The following MGAT4C variants were observed in gnomAD, a reference collection of about 807,000 sequenced individuals.
MGAT4C encodes alpha-1,3-mannosyl-glycoprotein 4-beta-N-acetylglucosaminyltransferase C.
MGAT4C carries 19 observed loss-of-function variants against 40.1 expected under a neutral mutation model. The observed-to-expected ratio is 0.47, with a 90% confidence interval of 0.33 to 0.70. The LOEUF is 0.70. Among genes scored for constraint, MGAT4C ranks in the 30% least tolerant of loss-of-function variants. The pLI is 0.02. For missense variants in MGAT4C, 491 were observed against 563.2 expected (o/e 0.87, Z 1.30); for synonymous variants, 181 against 187.1 (o/e 0.97, Z 0.27).
intron 1 of MGAT4C, among the ~76,000 whole-genome samples, chr12:86,767,589 T>C (rs1370617686): frequency 6.6e-6 from 1 of 152,138 alleles, no homozygotes; most frequent in African/African-American, 2.4e-5. Context: ...ACCAATATCC[T>C]TGATGAACAC....
chr12:86,053,072 T>G (rs778120393), intron 1 of MGAT4C, among the ~76,000 whole-genome samples: 7 of 151,886 alleles, frequency 4.6e-5, no homozygotes, highest in Non-Finnish European at 8.8e-5. Flanking sequence ...TTTGGGGAAG[T>G]ACGAGTGTCA....
intron 2 of MGAT4C, among the ~76,000 whole-genome samples, chr12:86,014,969 T>C (rs1181516315): frequency 6.7e-6 from 1 of 149,996 alleles, no homozygotes; most frequent in African/African-American, 2.5e-5. Context: ...TTTTTCATTT[T>C]CTTTCTTTCT....
At chr12:86,059,759 T>C (rs1010977559) in intron 1 of MGAT4C, among the ~76,000 whole-genome samples, 1 of 152,160 alleles carries the variant, frequency 6.6e-6, no homozygotes, top group African/African-American at 2.4e-5. Flanking sequence ...TCCTGTCCCT[T>C]TGGTTGTTGC....
intron 2 of MGAT4C, among the ~76,000 whole-genome samples, chr12:86,490,435 G>A (rs1292283968): frequency 2.6e-5 from 4 of 151,936 alleles, no homozygotes; most frequent in African/African-American, 7.3e-5. Context: ...ACTAAATGTG[G>A]AAAGGAACAA....
chr12:86,178,983 G>A lies in MGAT4C; in HGVS notation c.-57+77256C>T, dbSNP rs142828925. On this transcript the variant is annotated intron_variant, in intron 1 of 4. Transcript: ENST00000611864. ...GCCTGCTATTTGCTTTTTTCAATAC[G>A]ATACTATTCACATTTTCAGATTACA... 2.0e-3 allele frequency among the ~76,000 whole-genome samples: 308 copies of A among 152,074 alleles called. 1 individual carries two copies. The highest frequency in any genetic ancestry group is 3.3e-3 in the Non-Finnish European group (227 of 68,000).
chr12:86,052,455 T>G (rs1892984109), intron 1 of MGAT4C, among the ~76,000 whole-genome samples: 1 of 151,986 alleles, frequency 6.6e-6, no homozygotes, highest in Admixed American at 6.6e-5. Flanking sequence ...AACAAATTAT[T>G]TCAATCATAT....
At chr12:86,521,932 G>A (rs1958801991) in intron 2 of MGAT4C, among the ~76,000 whole-genome samples, 1 of 152,054 alleles carries the variant, frequency 6.6e-6, no homozygotes, top group South Asian at 2.1e-4. Context: ...AGGAATGCTA[G>A]TGATTTTGTA....
At chr12:86,578,567 T>G (rs2136430926) in intron 2 of MGAT4C, among the ~76,000 whole-genome samples, 1 of 151,848 alleles carries the variant, frequency 6.6e-6, no homozygotes, top group African/African-American at 2.4e-5. Context: ...CCTGTTCAGG[T>G]TTTAGATTTC....
chr12:86,248,460 G>A (rs1441724066), intron 1 of MGAT4C, among the ~76,000 whole-genome samples: 1 of 151,600 alleles, frequency 6.6e-6, no homozygotes, highest in Admixed American at 6.6e-5. Flanking sequence ...ATGCCCCTCA[G>A]TTTATCCTAT....
At chr12:86,651,262 G>A (rs141963190) in intron 2 of MGAT4C, among the ~76,000 whole-genome samples, 12 of 151,842 alleles carry the variant, frequency 7.9e-5, no homozygotes, top group African/African-American at 2.7e-4. Context: ...AAATATTAGG[G>A]TAATTGAAGC....
At chr12:86,809,502 AATATATGATTGAC>A (rs1185990840) in intron 1 of MGAT4C, among the ~76,000 whole-genome samples, 1 of 152,006 alleles carries the variant, frequency 6.6e-6, no homozygotes, top group Non-Finnish European at 1.5e-5. Context: ...TCCCACCAGC[AATATATGATTGAC>A]CCAGTTTCTT....
chr12:86,379,921 G>A (rs1007487042), intron 3 of MGAT4C, among the ~76,000 whole-genome samples: 3 of 152,224 alleles, frequency 2.0e-5, no homozygotes, highest in African/African-American at 2.4e-5. Flanking sequence ...GTGATTCACA[G>A]CATAGAAAAA....
chr12:85,962,659 T>C lies in MGAT4C; in HGVS notation c.*16630A>G, dbSNP rs1883174649. On this transcript the variant is annotated 3_prime_UTR_variant, in exon 5 of 5. Coordinates refer to ENST00000611864, the MANE Select transcript of MGAT4C (RefSeq NM_001351288.2). ...TAAGTACATTCAACTTGTAATGAAC[T>C]GTAAACTTCACCCATAACATTATTA... is the stretch of plus-strand genomic sequence containing the variant. 1 of 151,048 alleles carries C rather than the reference T, an allele frequency of 6.6e-6. No individual in the cohort carries two copies. Among genetic ancestry groups the C allele is most frequent in the Non-Finnish European group, 1.5e-5 (1 of 67,476 alleles). The allele number at this position is 151,048 out of a possible 1,614,324, so 9.4% of individuals were successfully genotyped here. A position where few individuals can be genotyped will look rare whatever the true frequency, so the allele number is the denominator to read the frequency against.
chr12:86,559,424 AC>A (rs1453935926), intron 2 of MGAT4C, among the ~76,000 whole-genome samples: 2 of 151,990 alleles, frequency 1.3e-5, no homozygotes, highest in Non-Finnish European at 2.9e-5. Flanking sequence ...CCACAAAAAA[AC>A]ATAAAGATAC....
At chr12:86,766,303 A>C (rs1951506603) in intron 1 of MGAT4C, among the ~76,000 whole-genome samples, 1 of 152,158 alleles carries the variant, frequency 6.6e-6, no homozygotes, top group South Asian at 2.1e-4. Context: ...GGATCAATTC[A>C]ATAAGAAGAG....
intron 2 of MGAT4C, among the ~76,000 whole-genome samples, chr12:86,555,592 C>T (rs1214855639): frequency 6.6e-6 from 1 of 152,154 alleles, no homozygotes; most frequent in Non-Finnish European, 1.5e-5. Flanking sequence ...GGGCTCGTGG[C>T]TCTGGAATGG....
At chr12:86,420,149 G>C (rs972253970) in intron 3 of MGAT4C, among the ~76,000 whole-genome samples, 1 of 151,842 alleles carries the variant, frequency 6.6e-6, no homozygotes. Flanking sequence ...AGGGTGGGGT[G>C]GGGGAATTGC....
chr12:86,093,495 G>A (rs1248945576), intron 1 of MGAT4C, among the ~76,000 whole-genome samples: 1 of 151,966 alleles, frequency 6.6e-6, no homozygotes, highest in Non-Finnish European at 1.5e-5. Context: ...TTGGGAGGCC[G>A]AGGCAGGTGG....
At chr12:86,351,642 A>G (rs1007212018) in intron 3 of MGAT4C, among the ~76,000 whole-genome samples, 3 of 152,056 alleles carry the variant, frequency 2.0e-5, no homozygotes, top group Non-Finnish European at 4.4e-5. Flanking sequence ...GAATAAAATC[A>G]AATGAAGAAT....
Sources: gnomAD v4.1 joint callset for allele counts (sites outside exome capture counted in the v4.1 genomes callset) on GRCh38, gnomAD v4.1.1 for gene constraint, MANE v1.5 for transcripts, NCBI Gene and HGNC (gene_info 2026-07-23, HGNC 2026-07-21) for gene names.